PCDH15: variants seen among roughly 807,000 people sequenced by gnomAD.
PCDH15 encodes the protein protocadherin-15.
PCDH15 carries 129 observed loss-of-function variants against 178.5 expected under a neutral mutation model. The ratio of observed to expected loss-of-function variants is 0.72; its 90% CI spans 0.63 to 0.84. The LOEUF (loss-of-function observed/expected upper bound fraction) is 0.84, where lower values mean the gene tolerates loss of function less well. Among genes scored for constraint, PCDH15 ranks in the 40% least tolerant of loss-of-function variants. The pLI, the probability that PCDH15 is intolerant of heterozygous loss-of-function variation, is 0.00. For synonymous variants in PCDH15, 800 were observed against 732.0 expected (o/e 1.09, Z -1.50); for missense variants, 2,230 against 2,099.9 (o/e 1.06, Z -1.21).
intron 3 of PCDH15, among the ~76,000 whole-genome samples, chr10:54,479,567 C>T (rs1193150873): frequency 2.0e-5 from 3 of 151,746 alleles, no homozygotes; most frequent in Admixed American, 1.3e-4. Flanking sequence ...TAAAAGATCC[C>T]TTTTCCTCAT....
At chr10:54,442,422 A>ATATATG (rs2075862660) in intron 3 of PCDH15, among the ~76,000 whole-genome samples, 1 of 57,422 alleles carries the variant, frequency 1.7e-5, no homozygotes, top group African/African-American at 8.2e-5. Flanking sequence ...GGCTATATAT[A>ATATATG]TATATATATA....
At chr10:55,225,047 T>TTCTTG (rs1189613912) in intron 1 of PCDH15, among the ~76,000 whole-genome samples, 2 of 152,138 alleles carry the variant, frequency 1.3e-5, no homozygotes, top group Admixed American at 6.5e-5. Context: ...ACAATCTTGT[T>TTCTTG]TCTTGTCTTA....
intron 25 of PCDH15, among the ~76,000 whole-genome samples, chr10:53,937,394 G>A (rs985006733): frequency 6.6e-6 from 1 of 152,126 alleles, no homozygotes; most frequent in Non-Finnish European, 1.5e-5. Context: ...ATATAATTTA[G>A]AGTTACTCCA....
intron 1 of PCDH15, among the ~76,000 whole-genome samples, chr10:55,219,374 A>G (rs1319045294): frequency 1.3e-5 from 2 of 151,910 alleles, no homozygotes; most frequent in Non-Finnish European, 2.9e-5. Context: ...ATTATTGCTA[A>G]CAGTCCCGAT....
intron 3 of PCDH15, among the ~76,000 whole-genome samples, chr10:54,814,846 T>C (rs1952922780): frequency 6.6e-6 from 1 of 152,182 alleles, no homozygotes; most frequent in Non-Finnish European, 1.5e-5. Flanking sequence ...TTTGTGCTTC[T>C]GAGTCTTTCA....
intron 4 of PCDH15, among the ~76,000 whole-genome samples, chr10:54,374,840 T>C (rs1442946122): frequency 3.3e-5 from 5 of 151,996 alleles, no homozygotes; most frequent in Admixed American, 6.6e-5. Context: ...TATCTGAGCG[T>C]TGGGTATTTT....
At chr10:55,504,389 T>TA (rs35029668) in intron 2 of PCDH15, among the ~76,000 whole-genome samples, 1 of 151,490 alleles carries the variant, frequency 6.6e-6, no homozygotes, top group Admixed American at 6.6e-5. Flanking sequence ...TAAAAATAAC[T>TA]AAAAAGTGCT....
intron 8 of PCDH15, among the ~76,000 whole-genome samples, chr10:54,252,719 TATATC>T (rs1305673012): frequency 6.6e-6 from 1 of 152,148 alleles, no homozygotes; most frequent in Non-Finnish European, 1.5e-5. Context: ...CAACGATTCA[TATATC>T]AGATTAGACC....
intron 2 of PCDH15, among the ~76,000 whole-genome samples, chr10:55,503,862 A>C (rs944150471): frequency 6.6e-6 from 1 of 151,396 alleles, no homozygotes; most frequent in Non-Finnish European, 1.5e-5. Flanking sequence ...TACATAACTA[A>C]ATATATTTTT....
intron 2 of PCDH15, among the ~76,000 whole-genome samples, chr10:54,988,288 G>A (rs1000733757): frequency 2.0e-5 from 3 of 152,112 alleles, no homozygotes; most frequent in Non-Finnish European, 4.4e-5. Context: ...TTGTAGTATA[G>A]TTTGAAGTCA....
At chr10:54,409,983 C>T (rs1190281737) in intron 3 of PCDH15, among the ~76,000 whole-genome samples, 1 of 152,072 alleles carries the variant, frequency 6.6e-6, no homozygotes, top group Non-Finnish European at 1.5e-5. Context: ...TTATTAATTA[C>T]CCAGTCCACA....
At chr10:55,210,636 T>C (rs1384797749) in intron 1 of PCDH15, among the ~76,000 whole-genome samples, 1 of 131,084 alleles carries the variant, frequency 7.6e-6, no homozygotes, top group Non-Finnish European at 1.6e-5. Flanking sequence ...TTTTTTTTTT[T>C]TTTTTTTTTT....
chr10:54,572,451 T>C (rs2089965386), intron 2 of PCDH15, among the ~76,000 whole-genome samples: 1 of 152,124 alleles, frequency 6.6e-6, no homozygotes, highest in African/African-American at 2.4e-5. Flanking sequence ...AGATATTCAA[T>C]TTGATACTTT....
At chr10:54,163,829 T>G (rs548164313) in intron 13 of PCDH15, among the ~76,000 whole-genome samples, 2 of 152,230 alleles carry the variant, frequency 1.3e-5, no homozygotes, top group South Asian at 4.1e-4. Context: ...TATAATAAAT[T>G]CTGATGTATT....
chr10:53,949,007 T>G (rs2086796430), intron 23 of PCDH15, among the ~76,000 whole-genome samples: 1 of 152,232 alleles, frequency 6.6e-6, no homozygotes, highest in South Asian at 2.1e-4. Context: ...ACTCTTTGTA[T>G]TGAAAAGTTT....
chr10:54,404,077 A>G lies in PCDH15; in HGVS notation c.158-25135T>C, dbSNP rs1376617319. 2.6e-5 allele frequency among the ~76,000 whole-genome samples: 4 copies of G among 152,088 alleles called. No homozygotes were observed. In the East Asian group the frequency reaches 7.7e-4, roughly 29 times the overall value. The stretch of plus-strand genomic sequence containing the variant: ...ATAGATTCAATGTTATTTCTATTAA[A>G]CTACCAATGACATTCTTCACAGAAC... On this transcript the variant is annotated intron_variant, in intron 3 of 37. Coordinates refer to ENST00000644397, the MANE Select transcript of PCDH15 (RefSeq NM_001384140.1).
intron 2 of PCDH15, among the ~76,000 whole-genome samples, chr10:55,154,503 A>G (rs1190310601): frequency 6.6e-6 from 1 of 152,084 alleles, no homozygotes; most frequent in Non-Finnish European, 1.5e-5. Context: ...TGGCTTACCG[A>G]AGCTTACTAT....
chr10:54,355,023 G>A (rs2134331970), intron 5 of PCDH15, among the ~76,000 whole-genome samples: 1 of 141,074 alleles, frequency 7.1e-6, no homozygotes, highest in Non-Finnish European at 1.5e-5. Context: ...ATTACTGCCT[G>A]TTTATAAGTG....
At chr10:54,692,527 T>A (rs991517331) in intron 1 of PCDH15, among the ~76,000 whole-genome samples, 1 of 152,184 alleles carries the variant, frequency 6.6e-6, no homozygotes, top group Non-Finnish European at 1.5e-5. Flanking sequence ...GTTCTTCTTG[T>A]TCTCTCTGAT....
Sources: gnomAD v4.1 joint callset for allele counts (sites outside exome capture counted in the v4.1 genomes callset) on GRCh38, gnomAD v4.1.1 for gene constraint, MANE v1.5 for transcripts, NCBI Gene and HGNC (gene_info 2026-07-23, HGNC 2026-07-21) for gene names.